Variants in WSCD1 observed in about 807,000 individuals in gnomAD.
The protein encoded by WSCD1 is WSC domain sialate O sulfotransferase 1.
In WSCD1, 41 loss-of-function variants were observed where a neutral mutation model predicts 60.4. That is an observed-to-expected ratio of 0.68 (90% CI 0.53 to 0.88). The LOEUF is 0.88. WSCD1 is among the 40% of genes least tolerant of loss of function. WSCD1 has a pLI of 0.00. For synonymous variants in WSCD1, 361 were observed against 332.5 expected, an observed-to-expected ratio of 1.09 and a Z score of -0.93; for missense variants, 784 against 796.2, an observed-to-expected ratio of 0.98 and a Z score of 0.18.
At chr17:6,098,290 T>A (rs1390679420) in intron 5 of WSCD1, among the ~76,000 whole-genome samples, 2 of 152,146 alleles carry the variant, frequency 1.3e-5, no homozygotes, top group African/African-American at 2.4e-5. Flanking sequence ...GAGTTTGTAT[T>A]TGTGATTACA....
chr17:6,069,427 G>C, upstream of WSCD1: 1 of 130,142 alleles, frequency 7.7e-6, no homozygotes, highest in Non-Finnish European at 1.5e-5. Context: ...GTGTGTGTGT[G>C]TGAGAGAGAG....
chr17:6,094,771 A>G (rs1197779228), intron 4 of WSCD1, among the ~76,000 whole-genome samples: 1 of 141,028 alleles, frequency 7.1e-6, no homozygotes, highest in East Asian at 2.0e-4. Context: ...TGGCAGAAGC[A>G]AGAGAAGGAA....
intron 8 of WSCD1, 62 bp from the exon 9 acceptor site, chr17:6,120,246 CG>C: frequency 6.4e-7 from 1 of 1,555,476 alleles, no homozygotes; most frequent in Non-Finnish European, 8.7e-7. Flanking sequence ...AGCAGCCCCC[CG>C]GGGACCGGCA....
chr17:6,069,774 G>GGTGTGT (rs746125445), upstream of WSCD1, among the ~76,000 whole-genome samples: 42 of 106,582 alleles, frequency 3.9e-4, no homozygotes, highest in East Asian at 3.7e-3. Context: ...ACGGTGATCC[G>GGTGTGT]GTGTGTGTGT....
intron 4 of WSCD1, among the ~76,000 whole-genome samples, chr17:6,092,470 C>T (rs1202129805): frequency 6.6e-6 from 1 of 152,178 alleles, no homozygotes; most frequent in African/African-American, 2.4e-5. Context: ...GTTTAGCTGA[C>T]AGGTTCACTA....
intron 5 of WSCD1, among the ~76,000 whole-genome samples, chr17:6,108,913 T>C (rs965754475): frequency 6.6e-6 from 1 of 152,180 alleles, no homozygotes; most frequent in African/African-American, 2.4e-5. Flanking sequence ...GAATCCTCCT[T>C]GGGCTGAGCA....
rs1006212346 is a variant in WSCD1 at position 6,115,833 on chromosome 17, T to C, written c.1175-2155T>C. Among the ~76,000 whole-genome samples, 17 of 152,122 alleles carry C rather than the reference T, an allele frequency of 1.1e-4. 1 individual carries two copies. Among genetic ancestry groups the C allele is most frequent in the African/African-American group, 3.9e-4 (16 of 41,424 alleles). On this transcript the variant is annotated intron_variant, in intron 7 of 8. Transcript: ENST00000317744. Reference sequence around the variant, plus strand: ...CTAGTCTCAAACTCCTGACCTCAATTGATCTGCCTGCCTCACCCTCCTAAA... The same window carrying C: ...CTAGTCTCAAACTCCTGACCTCAATCGATCTGCCTGCCTCACCCTCCTAAA...
At chr17:6,098,959 G>A (rs1020575119) in intron 5 of WSCD1, among the ~76,000 whole-genome samples, 4 of 152,154 alleles carry the variant, frequency 2.6e-5, no homozygotes, top group African/African-American at 9.7e-5. Context: ...GTGGGGCAGT[G>A]TTGGCAGGTG....
chr17:6,073,686 C>A (rs552116789), intron 1 of WSCD1, among the ~76,000 whole-genome samples: 1 of 152,232 alleles, frequency 6.6e-6, no homozygotes, highest in Non-Finnish European at 1.5e-5. Context: ...AAGGTTGCGA[C>A]TGGCTGTTTC....
intron 5 of WSCD1, among the ~76,000 whole-genome samples, chr17:6,095,720 C>T (rs1161956610): frequency 2.6e-5 from 4 of 152,208 alleles, no homozygotes; most frequent in Non-Finnish European, 5.9e-5. Context: ...CCACTGACCC[C>T]GCATTGCATG....
chr17:6,071,982 G>A (rs1404585971), intron 1 of WSCD1, among the ~76,000 whole-genome samples: 2 of 152,234 alleles, frequency 1.3e-5, no homozygotes, highest in African/African-American at 4.8e-5. Flanking sequence ...AGGCTTGGCG[G>A]TGGTTGGGCT....
rs1377555861 is a variant in WSCD1, at chr17:6,088,775, A to AT, written c.542+678dup. On this transcript the variant is annotated intron_variant, in intron 3 of 8. Coordinates refer to ENST00000317744, the MANE Select transcript of WSCD1 (RefSeq NM_015253.2). ...CCCTCTTCACTTATTTCTCCCACAGATTTTTTTCACCTTTTTTTTTTTTTT... is the reference window on the plus strand; with the variant it reads ...CCCTCTTCACTTATTTCTCCCACAGATTTTTTTTCACCTTTTTTTTTTTTTT... Among the ~76,000 whole-genome samples, 20 of 132,774 alleles carry AT rather than the reference A, an allele frequency of 1.5e-4. No individual in the cohort carries two copies. The South Asian group carries it at 3.7e-3, about 24-fold the overall frequency. The allele number at this position is 132,774 out of a possible 152,430, so 87.1% of individuals were successfully genotyped here. A position where few individuals can be genotyped will look rare whatever the true frequency, so the allele number is the denominator to read the frequency against.
intron 2 of WSCD1, among the ~76,000 whole-genome samples, chr17:6,082,672 C>T (rs1453091802): frequency 1.3e-5 from 2 of 152,138 alleles, no homozygotes; most frequent in Non-Finnish European, 2.9e-5. Context: ...CCTCACTGGG[C>T]CCTGCACCCG....
chr17:6,070,501 G>C lies in WSCD1; in HGVS notation c.-440G>C. 6.8e-6 allele frequency: 1 copy of C among 147,028 alleles called. No homozygotes were observed. The highest frequency in any genetic ancestry group is 2.0e-4 in the East Asian group (1 of 5,074). 9.1% of individuals were successfully genotyped at this position (147,028 alleles called of 1,614,324 possible). A position where few individuals can be genotyped will look rare whatever the true frequency, so the allele number is the denominator to read the frequency against. ...AGCCAGGCGGCGGCGCCCTGTGCCC[G>C]GGCGCGTGGGTCCGCTTGCCGCGGG... On this transcript the variant is annotated 5_prime_UTR_variant, in exon 1 of 9. Transcript: ENST00000317744.
intron 2 of WSCD1, among the ~76,000 whole-genome samples, chr17:6,084,030 T>C (rs11078604): frequency 0.78 from 118,715 of 152,018 alleles, 46,842 homozygotes; most frequent in East Asian, 0.96. Context: ...AAAATAATTA[T>C]AATACTTCCA....
chr17:6,077,618 G>A (rs1239548919), intron 1 of WSCD1, among the ~76,000 whole-genome samples: 1 of 152,146 alleles, frequency 6.6e-6, no homozygotes, highest in African/African-American at 2.4e-5. Context: ...TTGGGACCCT[G>A]TGTGAGATGT....
intron 3 of WSCD1, among the ~76,000 whole-genome samples, chr17:6,088,416 A>G (rs1226296335): frequency 6.6e-6 from 1 of 152,142 alleles, no homozygotes; most frequent in African/African-American, 2.4e-5. Flanking sequence ...CAGTCCAGCC[A>G]TAGCAGGGAC....
At chr17:6,115,773 T>C (rs1267299191) in intron 7 of WSCD1, among the ~76,000 whole-genome samples, 3 of 151,594 alleles carry the variant, frequency 2.0e-5, no homozygotes, top group Non-Finnish European at 4.4e-5. Context: ...TTTTGTATTT[T>C]AGTAGAGACA....
chr17:6,120,246 C>T (rs548390059), intron 8 of WSCD1, 63 bp from the exon 9 acceptor site: 272 of 1,555,474 alleles, frequency 1.7e-4, no homozygotes, highest in Non-Finnish European at 2.2e-4. Flanking sequence ...AGCAGCCCCC[C>T]GGGGACCGGC....
Sources: gnomAD v4.1 joint callset for allele counts (sites outside exome capture counted in the v4.1 genomes callset) on GRCh38, gnomAD v4.1.1 for gene constraint, MANE v1.5 for transcripts, NCBI Gene and HGNC (gene_info 2026-07-23, HGNC 2026-07-21) for gene names.